RBFOX1: variants seen among roughly 807,000 people sequenced by gnomAD.
RBFOX1 encodes RNA binding protein fox-1 homolog 1.
RBFOX1 carries 8 observed loss-of-function variants against 57.7 expected under a neutral mutation model. That is an observed-to-expected ratio of 0.14 (90% confidence interval 0.08 to 0.25). The LOEUF (loss-of-function observed/expected upper bound fraction) is 0.25. Ranked by LOEUF, RBFOX1 falls within the 10% of genes least tolerant of loss-of-function variation. The pLI is 1.00. For synonymous variants in RBFOX1, 326 were observed against 222.4 expected (o/e 1.47, Z -4.15); for missense variants, 611 against 548.5 (o/e 1.11, Z -1.14).
chr16:6,262,243 G>A (rs2097705929), intron 1 of RBFOX1, among the ~76,000 whole-genome samples: 1 of 152,070 alleles, frequency 6.6e-6, no homozygotes, highest in Non-Finnish European at 1.5e-5. Flanking sequence ...AAGAGAATCG[G>A]GAAAGTTAAG....
chr16:7,587,856 A>G (rs1436531935), intron 7 of RBFOX1, among the ~76,000 whole-genome samples: 1 of 152,216 alleles, frequency 6.6e-6, no homozygotes, highest in African/African-American at 2.4e-5. Flanking sequence ...CAGGGGCTCT[A>G]TGGAGAGGTT....
chr16:5,352,968 A>G (rs1203334354), intron 1 of RBFOX1, among the ~76,000 whole-genome samples: 1 of 152,210 alleles, frequency 6.6e-6, no homozygotes, highest in African/African-American at 2.4e-5. Context: ...CTTACTTGAT[A>G]CATACTTCGT....
chr16:6,420,472 A>C (rs2093741790), intron 2 of RBFOX1, among the ~76,000 whole-genome samples: 1 of 151,980 alleles, frequency 6.6e-6, no homozygotes, highest in African/African-American at 2.4e-5. Flanking sequence ...AGGATGAACA[A>C]AGAAAATGTA....
intron 3 of RBFOX1, among the ~76,000 whole-genome samples, chr16:6,799,219 T>C (rs531025036): frequency 1.3e-5 from 2 of 152,238 alleles, no homozygotes; most frequent in East Asian, 3.9e-4. Context: ...GGGGAAACCG[T>C]GCACAGCAAT....
rs138509367 is a variant in RBFOX1, at chr16:7,155,738, TAC to T, written c.27+103666_27+103667del. Among the ~76,000 whole-genome samples the T allele has an allele frequency of 7.1e-3, 536 of 75,480 alleles. 15 individuals are homozygous for T. The highest frequency in any genetic ancestry group is 0.025 in the African/African-American group (417 of 16,392). The allele number at this position is 75,480 out of a possible 152,430, so 49.5% of individuals were successfully genotyped here. On this transcript the variant is annotated intron_variant, in intron 4 of 15. Transcript: ENST00000550418. ...ATATATATATATATATATATATATA[TAC>T]ACACACACACACACACACACACACA... is the stretch of plus-strand genomic sequence containing the variant.
intron 4 of RBFOX1, among the ~76,000 whole-genome samples, chr16:7,063,023 C>G (rs141572163): frequency 1.4e-5 from 2 of 145,474 alleles, no homozygotes; most frequent in African/African-American, 2.5e-5. Context: ...ACTGCAGAGC[C>G]AAGAGTTTGG....
chr16:6,697,863 C>G (rs555773573), intron 3 of RBFOX1, among the ~76,000 whole-genome samples: 1 of 152,158 alleles, frequency 6.6e-6, no homozygotes, highest in Admixed American at 6.5e-5. Context: ...TCTGCCCAGA[C>G]AGTAGAAGAA....
intron 4 of RBFOX1, among the ~76,000 whole-genome samples, chr16:7,056,419 C>G (rs953448479): frequency 6.6e-6 from 1 of 152,148 alleles, no homozygotes; most frequent in African/African-American, 2.4e-5. Flanking sequence ...ACTATGGAAT[C>G]TGTGCATTAA....
At chr16:6,514,521 G>A (rs1454032354) in intron 2 of RBFOX1, among the ~76,000 whole-genome samples, 1 of 152,240 alleles carries the variant, frequency 6.6e-6, no homozygotes, top group East Asian at 1.9e-4. Context: ...TTTTATTTGT[G>A]TTTCAATGAT....
intron 3 of RBFOX1, among the ~76,000 whole-genome samples, chr16:6,755,738 A>G (rs1257907644): frequency 6.6e-6 from 1 of 152,190 alleles, no homozygotes; most frequent in Non-Finnish European, 1.5e-5. Flanking sequence ...TTCAAAAACA[A>G]CTACTTGTCA....
intron 1 of RBFOX1, among the ~76,000 whole-genome samples, chr16:5,449,723 C>G (rs1158592742): frequency 6.6e-6 from 1 of 152,202 alleles, no homozygotes; most frequent in Non-Finnish European, 1.5e-5. Flanking sequence ...ATCCTCCCAC[C>G]TCAGCCCCCC....
chr16:5,901,508 A>G (rs778732312), intron 4 of RBFOX1, among the ~76,000 whole-genome samples: 2 of 152,218 alleles, frequency 1.3e-5, no homozygotes, highest in African/African-American at 2.4e-5. Flanking sequence ...TTTGCTAGCC[A>G]ATATGGTAGC....
intron 1 of RBFOX1, among the ~76,000 whole-genome samples, chr16:6,138,691 C>T (rs1366735802): frequency 6.6e-6 from 1 of 152,084 alleles, no homozygotes; most frequent in Non-Finnish European, 1.5e-5. Context: ...CATGGTGAAA[C>T]CCCGTCTCTA....
chr16:6,956,644 A>G lies in RBFOX1; in HGVS notation c.-15-95413A>G, dbSNP rs183208417. Among the ~76,000 whole-genome samples the G allele has an allele frequency of 5.3e-4, 81 of 152,292 alleles. 1 individual carries two copies. Among genetic ancestry groups the G allele is most frequent in the African/African-American group, 1.8e-3 (74 of 41,576 alleles). ...CCCGTCTTCCCTTCTTGTGCCTGCT[A>G]TTTGTGGCTGATGTTGCTCCAGTTA... On this transcript the variant is annotated intron_variant, in intron 3 of 15. Coordinates refer to ENST00000550418, the MANE Select transcript of RBFOX1 (RefSeq NM_018723.4).
intron 10 of RBFOX1, among the ~76,000 whole-genome samples, chr16:7,612,313 T>A (rs1596481511): frequency 2.2e-5 from 2 of 89,372 alleles, no homozygotes; most frequent in South Asian, 4.7e-4. Flanking sequence ...AGAGCGAGAC[T>A]CCATCTCAAA....
chr16:7,555,497 T>C (rs551982897), intron 5 of RBFOX1, among the ~76,000 whole-genome samples: 1 of 152,326 alleles, frequency 6.6e-6, no homozygotes, highest in African/African-American at 2.4e-5. Flanking sequence ...TCTTTGCAAC[T>C]TTTTTGTAAA....
At chr16:5,640,323 A>G (rs536869994) in intron 3 of RBFOX1, among the ~76,000 whole-genome samples, 3 of 152,304 alleles carry the variant, frequency 2.0e-5, no homozygotes, top group East Asian at 1.9e-4. Flanking sequence ...TTGCACATGC[A>G]CACAGAGACA....
intron 4 of RBFOX1, among the ~76,000 whole-genome samples, chr16:7,441,660 C>T (rs8049067): frequency 4.6e-5 from 7 of 152,260 alleles, no homozygotes; most frequent in Admixed American, 3.3e-4. Flanking sequence ...CATTTAAAAT[C>T]GAAATTTTTG....
intron 4 of RBFOX1, among the ~76,000 whole-genome samples, chr16:7,176,334 T>C (rs889345088): frequency 6.6e-6 from 1 of 152,012 alleles, no homozygotes; most frequent in Non-Finnish European, 1.5e-5. Flanking sequence ...TATTTGATTT[T>C]ACATCTTTGG....
Sources: allele counts gnomAD v4.1 joint callset (sites outside exome capture counted in the v4.1 genomes callset), GRCh38; gene constraint gnomAD v4.1.1; transcripts MANE v1.5; gene names NCBI Gene and HGNC (gene_info 2026-07-23, HGNC 2026-07-21).